MAGI2: variants seen among roughly 807,000 people sequenced by gnomAD.
MAGI2 encodes the protein membrane associated guanylate kinase, WW and PDZ domain containing 2.
Under a neutral mutation model 133.3 loss-of-function variants are expected in MAGI2, and 35 were observed. The observed-to-expected ratio is 0.26, with a 90% CI of 0.20 to 0.35. MAGI2 has a LOEUF of 0.35. Among genes scored for constraint, MAGI2 ranks in the 10% least tolerant of loss-of-function variants. MAGI2 has a pLI of 1.00. For synonymous variants in MAGI2, 729 were observed against 710.6 expected, an observed-to-expected ratio of 1.03 and a Z score of -0.41; for missense variants, 1,636 against 1,863.4, an observed-to-expected ratio of 0.88 and a Z score of 2.25.
intron 1 of MAGI2, among the ~76,000 whole-genome samples, chr7:79,045,356 T>G (rs2116941580): frequency 6.6e-6 from 1 of 152,364 alleles, no homozygotes; most frequent in Admixed American, 6.5e-5. Context: ...GAGTGCATTT[T>G]ATTATTTGTA....
chr7:79,064,098 T>G (rs774516486), intron 1 of MAGI2, among the ~76,000 whole-genome samples: 8 of 151,944 alleles, frequency 5.3e-5, no homozygotes, highest in Non-Finnish European at 8.8e-5. Flanking sequence ...AAAGCATGAG[T>G]GTCACAGATG....
intron 16 of MAGI2, 108 bp downstream of exon 16, chr7:78,159,917 T>C: frequency 7.1e-7 from 1 of 1,409,574 alleles, no homozygotes; most frequent in Non-Finnish European, 9.4e-7. Flanking sequence ...TTTCAGGCTA[T>C]ACAGTATGTC....
rs551409024 is a variant in MAGI2, at chr7:79,352,790, C to T, written c.301+100230G>A. Among the ~76,000 whole-genome samples, 35 of 152,200 alleles carry T rather than the reference C, an allele frequency of 2.3e-4. No homozygotes were observed. The South Asian group carries it at 2.7e-3, about 12-fold the overall frequency. ...CAAGGAAAATTCAGCTTAGATAAGCCAGTCTGCAAAGTATAAGCTATACCA... is the reference window on the plus strand; with the variant it reads ...CAAGGAAAATTCAGCTTAGATAAGCTAGTCTGCAAAGTATAAGCTATACCA... On this transcript the variant is annotated intron_variant, in intron 1 of 21. Transcript: ENST00000354212.
chr7:78,552,801 G>A (rs1799464619), intron 3 of MAGI2, among the ~76,000 whole-genome samples: 1 of 152,122 alleles, frequency 6.6e-6, no homozygotes, highest in South Asian at 2.1e-4. Context: ...AAGGGGTGAA[G>A]CAAGGTTCAA....
chr7:79,136,032 A>AGAAAGAAAGAAG (rs1562928979), intron 1 of MAGI2, among the ~76,000 whole-genome samples: 6 of 136,110 alleles, frequency 4.4e-5, no homozygotes, highest in Middle Eastern at 3.3e-3. Context: ...AAAGAAGGAA[A>AGAAAGAAAGAAG]GAAAGAAAGA....
chr7:78,249,901 T>G (rs1792208485), intron 10 of MAGI2, among the ~76,000 whole-genome samples: 1 of 152,174 alleles, frequency 6.6e-6, no homozygotes, highest in African/African-American at 2.4e-5. Flanking sequence ...ATGGATTTAC[T>G]TACCCTGATT....
At chr7:78,879,833 AC>A (rs1000851187) in intron 2 of MAGI2, among the ~76,000 whole-genome samples, 1 of 152,066 alleles carries the variant, frequency 6.6e-6, no homozygotes, top group African/African-American at 2.4e-5. Flanking sequence ...ACAAAAGGAA[AC>A]TTTTAATCAA....
intron 20 of MAGI2, among the ~76,000 whole-genome samples, chr7:78,094,165 T>C (rs1817497148): frequency 6.6e-6 from 1 of 152,166 alleles, no homozygotes; most frequent in Non-Finnish European, 1.5e-5. Flanking sequence ...ACCCCTTAAT[T>C]TGGGTTAGAC....
chr7:78,845,015 C>A (rs1792469973), intron 2 of MAGI2, among the ~76,000 whole-genome samples: 1 of 151,896 alleles, frequency 6.6e-6, no homozygotes, highest in Non-Finnish European at 1.5e-5. Flanking sequence ...GTCTTCATTT[C>A]CAATGCTTTA....
chr7:78,350,813 G>A (rs1046484298), intron 7 of MAGI2, among the ~76,000 whole-genome samples: 1 of 152,118 alleles, frequency 6.6e-6, no homozygotes, highest in African/African-American at 2.4e-5. Flanking sequence ...GTAGGCTGAA[G>A]GTTATCAAAG....
chr7:79,189,328 A>C (rs1287314431), intron 1 of MAGI2, among the ~76,000 whole-genome samples: 1 of 151,274 alleles, frequency 6.6e-6, no homozygotes, highest in Non-Finnish European at 1.5e-5. Context: ...AAAAAAAAAA[A>C]AAAAATGGCA....
rs145114076 is a variant in MAGI2 at position 79,367,164 on chromosome 7, C to T, written c.301+85856G>A. Among the ~76,000 whole-genome samples, 6 of 152,244 alleles carry T rather than the reference C, an allele frequency of 3.9e-5. No homozygotes were observed. The East Asian group carries it at 7.7e-4, about 20-fold the overall frequency. ...TCCCTCTTCCTTCCACTTACCCATC[C>T]GTCGCAAGAATTTAATATTAGAAAC... On this transcript the variant is annotated intron_variant, in intron 1 of 21. Transcript: ENST00000354212.
At chr7:78,849,431 A>T (rs1792930920) in intron 2 of MAGI2, among the ~76,000 whole-genome samples, 1 of 152,108 alleles carries the variant, frequency 6.6e-6, no homozygotes, top group Admixed American at 6.6e-5. Flanking sequence ...CCAGTGTACT[A>T]AGCAAATCCA....
intron 2 of MAGI2, among the ~76,000 whole-genome samples, chr7:78,843,789 A>AT (rs1289619965): frequency 1.3e-5 from 2 of 151,032 alleles, no homozygotes; most frequent in Admixed American, 1.3e-4. Context: ...ACTTTTTCTC[A>AT]TTTTTTAAAC....
chr7:78,390,116 C>T (rs1795761457), intron 6 of MAGI2, among the ~76,000 whole-genome samples: 1 of 152,152 alleles, frequency 6.6e-6, no homozygotes, highest in African/African-American at 2.4e-5. Context: ...GACATCTGGA[C>T]AGAATCTCTC....
chr7:78,616,827 G>A (rs1211427047), intron 3 of MAGI2: 1 of 152,138 alleles, frequency 6.6e-6, no homozygotes, highest in East Asian at 1.9e-4. Flanking sequence ...TGGGTTAGAA[G>A]AAGAAACTTA....
intron 2 of MAGI2, among the ~76,000 whole-genome samples, chr7:78,917,280 A>G (rs1798878472): frequency 6.6e-6 from 1 of 152,076 alleles, no homozygotes; most frequent in Non-Finnish European, 1.5e-5. Flanking sequence ...AGGGTACTGA[A>G]TTCAGTCCTG....
At chr7:78,133,474 T>G (rs979262955) in intron 17 of MAGI2, among the ~76,000 whole-genome samples, 1 of 152,184 alleles carries the variant, frequency 6.6e-6, no homozygotes, top group African/African-American at 2.4e-5. Context: ...GGATAAGGAA[T>G]GAACCATAAA....
chr7:78,594,779 C>A (rs1221520931), intron 3 of MAGI2, among the ~76,000 whole-genome samples: 1 of 152,068 alleles, frequency 6.6e-6, no homozygotes, highest in Non-Finnish European at 1.5e-5. Flanking sequence ...TTAAAAGGAC[C>A]TGTTTAGGAT....
Sources: allele counts gnomAD v4.1 joint callset (sites outside exome capture counted in the v4.1 genomes callset), GRCh38; gene constraint gnomAD v4.1.1; transcripts MANE v1.5; gene names NCBI Gene and HGNC (gene_info 2026-07-23, HGNC 2026-07-21).